GUSB: variants seen among roughly 807,000 people sequenced by gnomAD.
GUSB encodes glucuronidase beta, also known as beta-glucuronidase.
In GUSB, 51 loss-of-function variants were observed where a neutral mutation model predicts 74.6. That is an observed-to-expected ratio of 0.68 (90% confidence interval 0.55 to 0.86). The LOEUF is 0.86. Ranked by LOEUF, GUSB falls within the 40% of genes least tolerant of loss-of-function variation. GUSB has a pLI of 0.00. For synonymous variants in GUSB, 360 were observed against 348.3 expected, an observed-to-expected ratio of 1.03 and a Z score of -0.37; for missense variants, 736 against 853.7, an observed-to-expected ratio of 0.86 and a Z score of 1.72.
rs771840511 is a variant in GUSB at position 65,976,000 on chromosome 7, C to G, written c.912+15G>C. On this transcript the variant is annotated intron_variant, in intron 5 of 11. Transcript: ENST00000304895. ...GCAAAAGACCTCCCTTAGGCATGTC[C>G]CAAACCACCATTACCTCCAATGAAT... is the stretch of plus-strand genomic sequence containing the variant. 1.9e-6 allele frequency: 3 copies of G among 1,611,510 alleles called. No homozygotes were observed. In the South Asian group the frequency reaches 3.3e-5, roughly 18 times the overall value.
Position 65,974,953 on chromosome 7 carries a change from TAGAA to T in GUSB, c.1027_1030del (p.Phe343IlefsTer24). 2 of 1,613,722 alleles carry T rather than the reference TAGAA, an allele frequency of 1.2e-6. No individual in the cohort carries two copies. The highest frequency in any genetic ancestry group is 2.2e-5 in the East Asian group (1 of 44,864). ...CTCATGCTTGTTGACACCGTGGAAATAGAAAGGTTTCCCATTGATGAGGAACTGG... is the reference window on the plus strand; with the variant it reads ...CTCATGCTTGTTGACACCGTGGAAATAGGTTTCCCATTGATGAGGAACTGG... On this transcript the variant is annotated frameshift_variant, in exon 6 of 12. Coordinates refer to ENST00000304895, the MANE Select transcript of GUSB (RefSeq NM_000181.4). LOFTEE classifies it high-confidence loss of function.
intron 2 of GUSB, 39 bp downstream of exon 2, chr7:65,980,185 G>GTGC: frequency 7.3e-5 from 53 of 725,248 alleles, no homozygotes; most frequent in Middle Eastern, 3.7e-4. Context: ...CAGCAGCCGT[G>GTGC]CCCCCCCACC....
chr7:65,977,034 A>G (rs1791629112), intron 4 of GUSB, among the ~76,000 whole-genome samples: 1 of 152,108 alleles, frequency 6.6e-6, no homozygotes, highest in Non-Finnish European at 1.5e-5. Flanking sequence ...ACGTGCTTAC[A>G]GTAACACCTC....
At chr7:65,965,468 G>C (rs567893184) in intron 10 of GUSB, among the ~76,000 whole-genome samples, 1 of 152,196 alleles carries the variant, frequency 6.6e-6, no homozygotes, top group African/African-American at 2.4e-5. Flanking sequence ...CAGTAGCCAT[G>C]TGTAGCTAGT....
At chr7:65,974,462 G>C in intron 7 of GUSB, 21 bp from the exon 8 acceptor site, 1 of 1,614,170 alleles carries the variant, frequency 6.2e-7, no homozygotes, top group Non-Finnish European at 8.5e-7. Flanking sequence ...GGAGGGAAGG[G>C]ACAGAGGGTC....
chr7:65,980,184 T>TGGGGGGG (rs752971847), intron 2 of GUSB, 40 bp downstream of exon 2: 20 of 720,092 alleles, frequency 2.8e-5, no homozygotes, highest in Non-Finnish European at 5.0e-5. Flanking sequence ...TCAGCAGCCG[T>TGGGGGGG]GCCCCCCCAC....
At chr7:65,964,689 T>C (rs931363044) in intron 10 of GUSB, among the ~76,000 whole-genome samples, 1 of 152,156 alleles carries the variant, frequency 6.6e-6, no homozygotes, top group Non-Finnish European at 1.5e-5. Context: ...GCTTTATTTA[T>C]AAACGTAATT....
chr7:65,969,535 AAAAGATAT>A (rs1176497076), intron 9 of GUSB, among the ~76,000 whole-genome samples: 1 of 151,860 alleles, frequency 6.6e-6, no homozygotes, highest in African/African-American at 2.4e-5. Flanking sequence ...CACCTCTACA[AAAAGATAT>A]AAAATTAGCT....
intron 10 of GUSB, 123 bp downstream of exon 10, chr7:65,967,608 G>A (rs998364215): frequency 6.5e-5 from 54 of 835,614 alleles, no homozygotes; most frequent in Non-Finnish European, 6.5e-5. Flanking sequence ...GGACGGGGCC[G>A]TGGGAGGAGA....
intron 8 of GUSB, among the ~76,000 whole-genome samples, chr7:65,972,438 A>C (rs1041005428): frequency 1.3e-5 from 2 of 152,320 alleles, no homozygotes; most frequent in Middle Eastern, 3.4e-3. Context: ...TGCTGGGATT[A>C]CAGGCGTGAG....
Position 65,974,555 on chromosome 7 carries a change from A to G in GUSB, c.1215T>C (p.Asp405=), listed in dbSNP as rs745919844. Residue 405 remains aspartate, a synonymous_variant, in exon 7 of 12, where the codon GAT becomes GAC. Transcript: ENST00000304895. The part of the protein sequence containing the change: ...MCDRYGIVVI[D]ECPGVGLALP... ...GCGCCAGGCCCACGCCGGGACACTCATCGATGACCACAATCCCATAGCGGT... is the reference window on the plus strand; with the variant it reads ...GCGCCAGGCCCACGCCGGGACACTCGTCGATGACCACAATCCCATAGCGGT... 5.0e-6 allele frequency: 8 copies of G among 1,614,218 alleles called. No individual in the cohort carries two copies. The highest frequency in any genetic ancestry group is 2.2e-5 in the South Asian group (2 of 91,092).
chr7:65,963,405 C>T (rs1186298632), intron 11 of GUSB, among the ~76,000 whole-genome samples: 4 of 152,090 alleles, frequency 2.6e-5, no homozygotes, highest in Non-Finnish European at 5.9e-5. Context: ...CCACCATTAC[C>T]ACATGCTTCT....
intron 8 of GUSB, 98 bp downstream of exon 8, chr7:65,974,197 G>C: frequency 8.6e-7 from 1 of 1,166,306 alleles, no homozygotes; most frequent in Non-Finnish European, 1.3e-6. Flanking sequence ...CATTGGGCTG[G>C]ACACGAGGCC....
rs763997663 is a variant in GUSB, at chr7:65,961,081, A to G, written c.1790-18T>C. 3 of 1,598,534 alleles carry G rather than the reference A, an allele frequency of 1.9e-6. No individual in the cohort carries two copies. The highest frequency in any genetic ancestry group is 2.2e-5 in the South Asian group (2 of 90,792). ...CGTCGGTGCTACAAAAAAAAAAAAA[A>G]GACACAAAGCGATTCAGATGTCTTC... is the stretch of plus-strand genomic sequence containing the variant. On this transcript the variant is annotated intron_variant, in intron 11 of 11. Coordinates refer to ENST00000304895, the MANE Select transcript of GUSB (RefSeq NM_000181.4).
At chr7:65,964,194 C>T (rs1790680225) in intron 11 of GUSB, 129 bp downstream of exon 11, 2 of 906,814 alleles carry the variant, frequency 2.2e-6, no homozygotes, top group African/African-American at 1.6e-5. Flanking sequence ...TCAACGCAAC[C>T]TACATGGATT....
At chr7:65,972,773 G>A (rs976959292) in intron 8 of GUSB, among the ~76,000 whole-genome samples, 2 of 152,098 alleles carry the variant, frequency 1.3e-5, no homozygotes, top group Non-Finnish European at 2.9e-5. Flanking sequence ...CTGGAAGCCT[G>A]TACTCTTCCC....
intron 2 of GUSB, 39 bp downstream of exon 2, chr7:65,980,185 G>GATC: frequency 1.4e-6 from 1 of 725,272 alleles, no homozygotes; most frequent in Non-Finnish European, 2.4e-6. Context: ...CAGCAGCCGT[G>GATC]CCCCCCCACC....
intron 11 of GUSB, among the ~76,000 whole-genome samples, chr7:65,961,862 CATG>C (rs1366821277): frequency 1.3e-5 from 2 of 152,092 alleles, no homozygotes; most frequent in South Asian, 2.1e-4. Flanking sequence ...ATTATACAGG[CATG>C]GTGGTGGGTG....
intron 11 of GUSB, among the ~76,000 whole-genome samples, chr7:65,961,301 A>T (rs752828079): frequency 9.2e-5 from 14 of 151,682 alleles, no homozygotes; most frequent in African/African-American, 1.2e-4. Flanking sequence ...GTAATCTTTT[A>T]TTTTTATTTT....
Sources: allele counts gnomAD v4.1 joint callset (sites outside exome capture counted in the v4.1 genomes callset), GRCh38; gene constraint gnomAD v4.1.1; transcripts MANE v1.5; gene names NCBI Gene and HGNC (gene_info 2026-07-23, HGNC 2026-07-21).